The following ALMS1 variants were observed in gnomAD, a reference collection of about 807,000 sequenced individuals.
ALMS1 encodes the protein centrosome-associated protein ALMS1.
ALMS1 carries 271 observed loss-of-function variants against 352.2 expected under a neutral mutation model. The observed-to-expected ratio is 0.77, with a 90% CI of 0.70 to 0.85. ALMS1 has a LOEUF of 0.85. Among genes scored for constraint, ALMS1 ranks in the 40% least tolerant of loss-of-function variants. ALMS1 has a pLI of 0.00. For synonymous variants in ALMS1, 1,865 were observed against 1,761.2 expected, an observed-to-expected ratio of 1.06 and a Z score of -1.48; for missense variants, 5,445 against 4,870.7, an observed-to-expected ratio of 1.12 and a Z score of -3.51.
intron 1 of ALMS1, among the ~76,000 whole-genome samples, chr2:73,408,074 G>C (rs1234193369): frequency 6.6e-6 from 1 of 152,044 alleles, no homozygotes; most frequent in Non-Finnish European, 1.5e-5. Flanking sequence ...TTATTCTTCA[G>C]GGTTATTGGG....
chr2:73,387,146 TG>T (rs1225764760), intron 1 of ALMS1, among the ~76,000 whole-genome samples: 1 of 152,234 alleles, frequency 6.6e-6, no homozygotes, highest in Non-Finnish European at 1.5e-5. Context: ...TGTAGAGTTT[TG>T]TCACTAATGA....
At chr2:73,458,175 A>T (rs1330408771) in intron 9 of ALMS1, 1 of 151,890 alleles carries the variant, frequency 6.6e-6, no homozygotes, top group African/African-American at 2.4e-5. Context: ...TTAACTGAGT[A>T]GTTGCGAAAT....
At chr2:73,475,043 A>C (rs540115998) in intron 9 of ALMS1, among the ~76,000 whole-genome samples, 1 of 147,398 alleles carries the variant, frequency 6.8e-6, no homozygotes, top group Admixed American at 6.6e-5. Context: ...TAGTGTTTTC[A>C]AGAGTCATTC....
At chr2:73,386,847 T>C (rs1384201565) in intron 1 of ALMS1, among the ~76,000 whole-genome samples, 1 of 152,134 alleles carries the variant, frequency 6.6e-6, no homozygotes, top group Non-Finnish European at 1.5e-5. Context: ...ATTTTGAAAA[T>C]AACTCTCCAT....
chr2:73,601,247 A>G lies in ALMS1; in HGVS notation c.11925A>G (p.Glu3975=). The G allele has an allele frequency of 6.2e-7, 1 of 1,614,252 alleles. No homozygotes were observed. The highest frequency in any genetic ancestry group is 8.5e-7 in the Non-Finnish European group (1 of 1,180,034). ...VENVESRSKK[E]NVPNTCGPGI... ...ATGTGGAGTCTAGATCAAAGAAGGA[A>G]AACGTGCCTAACACTTGTGGCCCTG... Residue 3975 remains glutamate, a synonymous_variant, in exon 19 of 23, where the codon GAA becomes GAG. Coordinates refer to ENST00000613296, the MANE Select transcript of ALMS1 (RefSeq NM_001378454.1).
At chr2:73,535,172 T>G (rs956466198) in intron 12 of ALMS1, among the ~76,000 whole-genome samples, 22 of 152,210 alleles carry the variant, frequency 1.4e-4, no homozygotes, top group Admixed American at 5.2e-4. Context: ...GATCATTATT[T>G]GGGTTAGTGG....
intron 8 of ALMS1, among the ~76,000 whole-genome samples, chr2:73,454,599 G>A (rs922336062): frequency 6.6e-6 from 1 of 151,760 alleles, no homozygotes; most frequent in Admixed American, 6.6e-5. Flanking sequence ...CTAAAACTTG[G>A]GTTAGAGGTT....
At chr2:73,537,953 C>T (rs1468852276) in intron 12 of ALMS1, among the ~76,000 whole-genome samples, 2 of 152,154 alleles carry the variant, frequency 1.3e-5, no homozygotes, top group Non-Finnish European at 2.9e-5. Flanking sequence ...CTGCAGTGAA[C>T]TATGATTGCG....
intron 2 of ALMS1, among the ~76,000 whole-genome samples, chr2:73,416,217 C>G (rs925978662): frequency 3.3e-5 from 5 of 152,084 alleles, no homozygotes; most frequent in Admixed American, 3.3e-4. Context: ...GGAGTGCCCT[C>G]TAAAGAAAAA....
At chr2:73,515,425 G>T (rs1673534847) in intron 10 of ALMS1, among the ~76,000 whole-genome samples, 2 of 151,410 alleles carry the variant, frequency 1.3e-5, no homozygotes, top group Non-Finnish European at 2.9e-5. Flanking sequence ...CTCAATTTTT[G>T]ATCATTTTTT....
At chr2:73,551,194 A>G (rs1674424112) in intron 13 of ALMS1, among the ~76,000 whole-genome samples, 1 of 152,210 alleles carries the variant, frequency 6.6e-6, no homozygotes, top group East Asian at 1.9e-4. Context: ...ATTTTCCACC[A>G]ACATTCAAAA....
chr2:73,459,863 T>C (rs1300829922), intron 9 of ALMS1, among the ~76,000 whole-genome samples: 1 of 152,220 alleles, frequency 6.6e-6, no homozygotes, highest in African/African-American at 2.4e-5. Context: ...TTGGTGTGCT[T>C]ATTGATACTA....
intron 12 of ALMS1, among the ~76,000 whole-genome samples, chr2:73,545,311 G>C (rs1015000112): frequency 6.6e-6 from 1 of 151,658 alleles, no homozygotes. Flanking sequence ...CTCCTGAGTA[G>C]CTGGGATTAT....
rs374099189 is a variant in ALMS1 at position 73,585,318 on chromosome 2, C to T, written c.11547+11894C>T. On this transcript the variant is annotated intron_variant, in intron 16 of 22. Coordinates refer to ENST00000613296, the MANE Select transcript of ALMS1 (RefSeq NM_001378454.1). ...TTATTTTTTATTTTTTTATTTATGG[C>T]CATTCTTGCAGGAGTAATGTGGTAT... Among the ~76,000 whole-genome samples, 4 of 151,726 alleles carry T rather than the reference C, an allele frequency of 2.6e-5. No homozygotes were observed. The East Asian group carries it at 5.8e-4, about 22-fold the overall frequency.
intron 16 of ALMS1, among the ~76,000 whole-genome samples, chr2:73,591,996 C>A (rs1675444622): frequency 6.6e-6 from 1 of 152,102 alleles, no homozygotes; most frequent in South Asian, 2.1e-4. Flanking sequence ...TTTATTATCC[C>A]ATTAGAGTTT....
chr2:73,507,778 C>T (rs769704038), intron 10 of ALMS1, among the ~76,000 whole-genome samples: 4 of 152,164 alleles, frequency 2.6e-5, no homozygotes, highest in Admixed American at 6.5e-5. Context: ...CTATTTCCTT[C>T]AGTTCTGCTC....
chr2:73,422,508 A>G (rs950556337), intron 3 of ALMS1, among the ~76,000 whole-genome samples: 1 of 152,166 alleles, frequency 6.6e-6, no homozygotes, highest in Non-Finnish European at 1.5e-5. Context: ...AAAAGTTGAA[A>G]TGCTTGGGTT....
Position 73,609,735 on chromosome 2 carries a change from G to A in ALMS1, c.*123G>A. ...TTTGTCCATGTGTATTTTAGAAATA[G>A]TAACTTCTAAAGAGTCTGGAACAAA... On this transcript the variant is annotated 3_prime_UTR_variant, in exon 23 of 23. Coordinates refer to ENST00000613296, the MANE Select transcript of ALMS1 (RefSeq NM_001378454.1). The A allele has an allele frequency of 1.0e-6, 1 of 1,000,054 alleles. No individual in the cohort carries two copies. Among genetic ancestry groups the A allele is most frequent in the Admixed American group, 1.9e-5 (1 of 51,706 alleles). 61.9% of individuals were successfully genotyped at this position (1,000,054 alleles called of 1,614,324 possible). A position where few individuals can be genotyped will look rare whatever the true frequency, so the allele number is the denominator to read the frequency against.
intron 12 of ALMS1, among the ~76,000 whole-genome samples, chr2:73,538,551 G>A (rs2103999660): frequency 6.6e-6 from 1 of 152,310 alleles, no homozygotes; most frequent in South Asian, 2.1e-4. Flanking sequence ...GACAGTGGGT[G>A]CAGCACACCG....
Sources: allele counts gnomAD v4.1 joint callset (sites outside exome capture counted in the v4.1 genomes callset), GRCh38; gene constraint gnomAD v4.1.1; transcripts MANE v1.5; gene names NCBI Gene and HGNC (gene_info 2026-07-23, HGNC 2026-07-21).